TMTC3: variants seen among roughly 807,000 people sequenced by gnomAD.
TMTC3 encodes the protein transmembrane O-mannosyltransferase targeting cadherins 3.
Under a neutral mutation model 92.2 loss-of-function variants are expected in TMTC3, and 52 were observed. The observed-to-expected ratio is 0.56, with a 90% CI of 0.45 to 0.71. The LOEUF (loss-of-function observed/expected upper bound fraction) is 0.71, where lower values mean the gene tolerates loss of function less well. TMTC3 is among the 30% of genes least tolerant of loss of function. The pLI is 0.00. For synonymous variants in TMTC3, 339 were observed against 363.3 expected (o/e 0.93, Z 0.76); for missense variants, 896 against 1,057.1 (o/e 0.85, Z 2.11).
chr12:88,146,611 G>GTGTATA lies in TMTC3; in HGVS notation c.-28-1676_-28-1675insGTATAT, dbSNP rs755721380. On this transcript the variant is annotated intron_variant, in intron 1 of 13. Transcript: ENST00000266712. Reference sequence around the variant, plus strand: ...TATATTTGTGTGTGTGTGTGTGTGTGTATATATATATATACATATATATGT... The same window carrying GTGTATA: ...TATATTTGTGTGTGTGTGTGTGTGTGTGTATATATATATATATATACATATATATGT... Among the ~76,000 whole-genome samples, 434 of 147,898 alleles carry GTGTATA rather than the reference G, an allele frequency of 2.9e-3. 2 individuals are homozygous for GTGTATA. The highest frequency in any genetic ancestry group is 0.01 in the African/African-American group (412 of 40,424).
At chr12:88,177,383 A>G (rs946408956) in intron 10 of TMTC3, among the ~76,000 whole-genome samples, 15 of 152,112 alleles carry the variant, frequency 9.9e-5, no homozygotes, top group African/African-American at 3.4e-4. Flanking sequence ...TATAATAGTG[A>G]TGGCATAGAC....
Position 88,160,768 on chromosome 12 carries a change from A to G in TMTC3, c.714A>G (p.Lys238=). 1.2e-6 allele frequency: 2 copies of G among 1,613,400 alleles called. No individual in the cohort carries two copies. Among genetic ancestry groups the G allele is most frequent in the Non-Finnish European group, 1.7e-6 (2 of 1,179,588 alleles). Reference sequence around the variant, plus strand: ...TTTCTATGCTGCAGACACTAGTAAAACTCATTGTCTTGATGTTCAGTACAT... The same window carrying G: ...TTTCTATGCTGCAGACACTAGTAAAGCTCATTGTCTTGATGTTCAGTACAT... ...IPFSMLQTLV[K]LIVLMFSTLL... Residue 238 remains lysine (K), a synonymous_variant, in exon 6 of 14, where the codon AAA becomes AAG. Coordinates refer to ENST00000266712, the MANE Select transcript of TMTC3 (RefSeq NM_181783.4).
At chr12:88,167,383 G>A (rs568291885) in intron 7 of TMTC3, among the ~76,000 whole-genome samples, 12 of 152,166 alleles carry the variant, frequency 7.9e-5, no homozygotes, top group Non-Finnish European at 1.2e-4. Flanking sequence ...TAGTCTGGGC[G>A]ACAGAGCAAT....
chr12:88,163,577 T>G (rs2138388454), intron 6 of TMTC3, among the ~76,000 whole-genome samples: 1 of 152,268 alleles, frequency 6.6e-6, no homozygotes, highest in Non-Finnish European at 1.5e-5. Flanking sequence ...AAGGAAGAAT[T>G]TGTTCCATAA....
In TMTC3 at chr12:88,148,281, T is replaced by C. The variant is rs2040900026; in HGVS notation, c.-28-7T>C. ...TCCTTATTTTATCTTCATGATTTTT[T>C]TTCCAGTTTTTGTCCAGAAGTGCTT... On this transcript the variant is annotated splice_polypyrimidine_tract_variant and splice_region_variant and intron_variant, in intron 1 of 13. Transcript: ENST00000266712. 1 of 1,531,272 alleles carries C rather than the reference T, an allele frequency of 6.5e-7. No individual in the cohort carries two copies. The highest frequency in any genetic ancestry group is 1.4e-5 in the African/African-American group (1 of 71,962). 94.9% of individuals were successfully genotyped at this position (1,531,272 alleles called of 1,614,324 possible).
At chr12:88,157,806 C>T (rs2041028574) in intron 4 of TMTC3, among the ~76,000 whole-genome samples, 1 of 152,130 alleles carries the variant, frequency 6.6e-6, no homozygotes, top group South Asian at 2.1e-4. Flanking sequence ...TAACTTTTAA[C>T]CACAGTGATC....
chr12:88,152,174 G>C (rs2040950861), intron 2 of TMTC3, among the ~76,000 whole-genome samples: 1 of 152,176 alleles, frequency 6.6e-6, no homozygotes, highest in Non-Finnish European at 1.5e-5. Context: ...TTTGGCATAT[G>C]GATCTGCACA....
rs767325568 is a variant in TMTC3, at chr12:88,190,474, G to T, written c.1558G>T (p.Ala520Ser). Reference sequence around the variant, plus strand: ...ACAGATTATTCCTGGTAAAAAATATGCAGCCAGAATTGCCCCTAACCACCT... The same window carrying T: ...ACAGATTATTCCTGGTAAAAAATATTCAGCCAGAATTGCCCCTAACCACCT... The part of the protein sequence containing the change: ...MPQIIPGKKY[A>S]ARIAPNHLNV... The change falls in exon 12 of 14, where the codon GCA becomes TCA. Residue 520 changes from alanine to serine, a missense_variant. By Grantham distance (99) the Ala-to-Ser change is moderately conservative. Coordinates refer to ENST00000266712, the MANE Select transcript of TMTC3 (RefSeq NM_181783.4). The T allele has an allele frequency of 1.2e-6, 2 of 1,613,088 alleles. No homozygotes were observed. Among genetic ancestry groups the T allele is most frequent in the Admixed American group, 3.3e-5 (2 of 59,868 alleles).
intron 10 of TMTC3, among the ~76,000 whole-genome samples, chr12:88,184,121 G>A (rs2041349133): frequency 6.6e-6 from 1 of 152,044 alleles, no homozygotes; most frequent in African/African-American, 2.4e-5. Context: ...GCGTGGCTAG[G>A]GGACCGCATG....
Position 88,166,356 on chromosome 12 carries a change from C to A in TMTC3, c.824C>A (p.Pro275Gln), listed in dbSNP as rs1207796587. 1 of 1,613,556 alleles carries A rather than the reference C, an allele frequency of 6.2e-7. No individual in the cohort carries two copies. The highest frequency in any genetic ancestry group is 8.5e-7 in the Non-Finnish European group (1 of 1,179,818). The change falls in exon 7 of 14, where the codon CCA becomes CAA. Residue 275 changes from proline (P) to glutamine (Q), a missense_variant. Pro to Gln is a moderately conservative substitution (Grantham distance 76). Transcript: ENST00000266712. ...TTTGATAACCCAGCTGCTGTAAGCCCAACTCCTACAAGGCAACTAACTTTT... is the reference window on the plus strand; with the variant it reads ...TTTGATAACCCAGCTGCTGTAAGCCAAACTCCTACAAGGCAACTAACTTTT... Reference protein sequence around the residue: ...TRFDNPAAVSPTPTRQLTFNY... With the variant: ...TRFDNPAAVSQTPTRQLTFNY...
chr12:88,166,428 A>T lies in TMTC3; in HGVS notation c.896A>T (p.Glu299Val). 3 of 1,613,916 alleles carry T rather than the reference A, an allele frequency of 1.9e-6. No homozygotes were observed. The highest frequency in any genetic ancestry group is 1.7e-6 in the Non-Finnish European group (2 of 1,179,934). ...VNAWLLLNPSELCCDWTMGTI... is the reference protein window; with the variant it reads ...VNAWLLLNPSVLCCDWTMGTI... The stretch of plus-strand genomic sequence containing the variant: ...GCTTGGTTGTTATTAAATCCTTCAG[A>T]GCTCTGCTGTGATTGGACCATGGGA... Residue 299 changes from glutamate (E) to valine (V), a missense_variant, in exon 7 of 14, where the codon GAG (glutamate) becomes GTG (valine). By Grantham distance (121) the Glu-to-Val change is moderately radical. Transcript: ENST00000266712.
Position 88,148,352 on chromosome 12 carries a change from G to C in TMTC3, c.37G>C (p.Val13Leu), listed in dbSNP as rs774949930. ...NINLKEITLI[V>L]GVVTACYWNS... is the part of the protein sequence containing the mutation. Reference sequence around the variant, plus strand: ...TAACCTAAAAGAAATAACCTTAATAGTAGGTGTGGTTACTGCCTGCTATTG... The same window carrying C: ...TAACCTAAAAGAAATAACCTTAATACTAGGTGTGGTTACTGCCTGCTATTG... The change falls in exon 2 of 14, where the codon GTA (valine) becomes CTA (leucine). Residue 13 changes from valine (V) to leucine (L), a missense_variant. Transcript: ENST00000266712. 2 of 1,613,308 alleles carry C rather than the reference G, an allele frequency of 1.2e-6. No individual in the cohort carries two copies. The highest frequency in any genetic ancestry group is 8.5e-7 in the Non-Finnish European group (1 of 1,179,598).
At position 88,184,064 on chromosome 12, in the gene TMTC3, G is replaced by A. The variant is rs73414723; in HGVS notation, c.1433-4779G>A. 3.2e-3 allele frequency among the ~76,000 whole-genome samples: 488 copies of A among 152,142 alleles called. 5 individuals are homozygous for A. The highest frequency in any genetic ancestry group is 0.011 in the African/African-American group (455 of 41,500). On this transcript the variant is annotated intron_variant, in intron 10 of 13. Transcript: ENST00000266712. ...CGAGTCTGTCCCACAGACTCTGGCCGAGTGATGGATGAAAGAAGTACACTG... is the reference window on the plus strand; with the variant it reads ...CGAGTCTGTCCCACAGACTCTGGCCAAGTGATGGATGAAAGAAGTACACTG...
chr12:88,161,591 T>C (rs1327200572), intron 6 of TMTC3, among the ~76,000 whole-genome samples: 1 of 151,998 alleles, frequency 6.6e-6, no homozygotes, highest in South Asian at 2.1e-4. Flanking sequence ...TTCATCTTGA[T>C]AAAATTGTTT....
intron 10 of TMTC3, among the ~76,000 whole-genome samples, chr12:88,184,127 G>T (rs1457707776): frequency 6.6e-6 from 1 of 152,066 alleles, no homozygotes; most frequent in South Asian, 2.1e-4. Flanking sequence ...CTAGGGGACC[G>T]CATGGCTCAG....
intron 1 of TMTC3, among the ~76,000 whole-genome samples, chr12:88,142,802 T>C (rs1259048739): frequency 6.6e-6 from 1 of 152,194 alleles, no homozygotes. Flanking sequence ...CCCGCCCGCC[T>C]TACCTGTAGC....
chr12:88,163,782 A>T (rs2041108482), intron 6 of TMTC3, among the ~76,000 whole-genome samples: 1 of 152,200 alleles, frequency 6.6e-6, no homozygotes, highest in Non-Finnish European at 1.5e-5. Context: ...TAATATTGGC[A>T]GAAACTATTT....
At chr12:88,172,825 G>T (rs2041220392) in intron 8 of TMTC3, 80 bp downstream of exon 8, 2 of 1,516,090 alleles carry the variant, frequency 1.3e-6, no homozygotes, top group Non-Finnish European at 1.8e-6. Context: ...ATTTAGTTCA[G>T]TTTTCTAAGT....
chr12:88,189,053 AAGT>A, intron 11 of TMTC3, 107 bp downstream of exon 11: 1 of 689,008 alleles, frequency 1.5e-6, no homozygotes, highest in East Asian at 3.0e-5. Context: ...GTTGATATAA[AAGT>A]AAGTTTTATA....
Sources: allele counts gnomAD v4.1 joint callset (sites outside exome capture counted in the v4.1 genomes callset), GRCh38; gene constraint gnomAD v4.1.1; transcripts MANE v1.5; gene names NCBI Gene and HGNC (gene_info 2026-07-23, HGNC 2026-07-21).